CACNA1C: variants seen among roughly 807,000 people sequenced by gnomAD.
CACNA1C encodes calcium voltage-gated channel subunit alpha1 C.
CACNA1C carries 30 observed loss-of-function variants against 229.0 expected under a neutral mutation model. The ratio of observed to expected loss-of-function variants is 0.13; its 90% CI spans 0.10 to 0.18. The LOEUF is 0.18. Ranked by LOEUF, CACNA1C falls within the 10% of genes least tolerant of loss-of-function variation. The probability of loss-of-function intolerance (pLI) is 1.00; values close to 1 mark genes in which losing one functional copy is unlikely to be tolerated. For synonymous variants in CACNA1C, 1,114 were observed against 1,132.5 expected, an observed-to-expected ratio of 0.98 and a Z score of 0.33; for missense variants, 1,658 against 2,845.0, an observed-to-expected ratio of 0.58 and a Z score of 9.49.
chr12:2,358,531 G>A (rs768567631), intron 3 of CACNA1C, among the ~76,000 whole-genome samples: 17 of 152,294 alleles, frequency 1.1e-4, no homozygotes, highest in East Asian at 5.8e-4. Context: ...GTCAGTGGCC[G>A]TAGTGTTAGG....
At chr12:2,620,255 C>T (rs1250884585) in intron 29 of CACNA1C, among the ~76,000 whole-genome samples, 1 of 22,920 alleles carries the variant, frequency 4.4e-5, no homozygotes, top group Admixed American at 1.0e-3. Context: ...TAGTATGCAC[C>T]CTAATACTGC....
At chr12:2,254,072 G>A (rs1001964138) in intron 3 of CACNA1C, among the ~76,000 whole-genome samples, 3 of 152,140 alleles carry the variant, frequency 2.0e-5, no homozygotes, top group Admixed American at 1.3e-4. Context: ...AACCTCACCT[G>A]GGCACTTCTT....
intron 2 of CACNA1C, among the ~76,000 whole-genome samples, chr12:2,117,507 G>A (rs2084457755): frequency 6.6e-6 from 1 of 152,226 alleles, no homozygotes; most frequent in African/African-American, 2.4e-5. Context: ...GCACCCCTGA[G>A]AGAAGGGCAG....
At chr12:2,417,081 A>G (rs535603127) in intron 3 of CACNA1C, among the ~76,000 whole-genome samples, 42 of 152,316 alleles carry the variant, frequency 2.8e-4, no homozygotes, top group Admixed American at 9.2e-4. Context: ...AGTCACTTCT[A>G]TACAATGTGG....
intron 1 of CACNA1C, among the ~76,000 whole-genome samples, chr12:2,064,978 A>G (rs989610978): frequency 3.3e-5 from 5 of 152,214 alleles, no homozygotes; most frequent in Non-Finnish European, 5.9e-5. Context: ...AAGACTTTGC[A>G]CTTTGAAGGC....
Position 2,089,119 on chromosome 12 carries a change from T to C in CACNA1C, c.50-26105T>C, listed in dbSNP as rs901393248. On this transcript the variant is annotated intron_variant, in intron 1 of 46. Coordinates refer to ENST00000399655, the MANE Select transcript of CACNA1C (RefSeq NM_000719.7). ...TGATTCTGTGCTCTTGAGGGATTCA[T>C]GGTTCGTGCACACGTGGAAGGGTGG... 2.0e-5 allele frequency among the ~76,000 whole-genome samples: 3 copies of C among 152,268 alleles called. No homozygotes were observed. In the South Asian group the frequency reaches 6.2e-4, roughly 32 times the overall value.
rs542594883 is a variant in CACNA1C, at chr12:2,677,283, G to C, written c.4956+62G>C. 74 of 1,575,370 alleles carry C rather than the reference G, an allele frequency of 4.7e-5. No individual in the cohort carries two copies. The Admixed American group carries it at 9.7e-4, about 21-fold the overall frequency. On this transcript the variant is annotated intron_variant, in intron 40 of 46. Transcript: ENST00000399655. The surrounding 1 kb of genome is among the most constrained non-coding windows in gnomAD (Gnocchi z 7.4). ...TCCTGGTCATTGCCTCTGACCTCCA[G>C]TCAGGGTCCCGGTCCCTCCCCAGCA...
chr12:2,439,433 A>G (rs1184257007), intron 3 of CACNA1C, among the ~76,000 whole-genome samples: 5 of 152,194 alleles, frequency 3.3e-5, no homozygotes, highest in Non-Finnish European at 7.4e-5. Flanking sequence ...TCATCCCCAG[A>G]CCTGCCTGTG....
chr12:2,381,207 G>A (rs560511603), intron 3 of CACNA1C, among the ~76,000 whole-genome samples: 1 of 152,310 alleles, frequency 6.6e-6, no homozygotes, highest in East Asian at 1.9e-4. Flanking sequence ...AGTCCTTGAA[G>A]TTCCTGAAAT....
intron 1 of CACNA1C, among the ~76,000 whole-genome samples, chr12:2,019,195 C>G (rs901942712): frequency 2.0e-5 from 3 of 152,132 alleles, no homozygotes; most frequent in Non-Finnish European, 4.4e-5. Context: ...GGTACAGTGG[C>G]TCACACCTGT....
At chr12:2,078,321 T>C (rs564976081) in intron 1 of CACNA1C, among the ~76,000 whole-genome samples, 1 of 152,364 alleles carries the variant, frequency 6.6e-6, no homozygotes, top group African/African-American at 2.4e-5. Flanking sequence ...TTTTTGTTTC[T>C]TAAGCCGGCT....
chr12:2,328,708 T>G (rs2096429842), intron 3 of CACNA1C, among the ~76,000 whole-genome samples: 1 of 152,240 alleles, frequency 6.6e-6, no homozygotes, highest in East Asian at 1.9e-4. Context: ...GGCCATTTAT[T>G]CGCCATCTTG....
chr12:2,194,909 T>C (rs1040911163), intron 3 of CACNA1C, among the ~76,000 whole-genome samples: 1 of 152,170 alleles, frequency 6.6e-6, no homozygotes, highest in African/African-American at 2.4e-5. Flanking sequence ...TGATCTAAGG[T>C]CTTCTGAGGA....
chr12:2,371,599 A>C (rs2097864025), intron 3 of CACNA1C, among the ~76,000 whole-genome samples: 1 of 152,024 alleles, frequency 6.6e-6, no homozygotes, highest in Non-Finnish European at 1.5e-5. Context: ...CAGGAATCAC[A>C]CTTTGAGAAC....
intron 1 of CACNA1C, among the ~76,000 whole-genome samples, chr12:2,025,076 A>G (rs1246239675): frequency 6.6e-6 from 1 of 152,190 alleles, no homozygotes; most frequent in Admixed American, 6.5e-5. Flanking sequence ...TGGGGAAGGC[A>G]GGCTTAGCCT....
chr12:2,436,120 G>T (rs111915616), intron 3 of CACNA1C, among the ~76,000 whole-genome samples: 4,417 of 152,280 alleles, frequency 0.029, 77 homozygotes, highest in Non-Finnish European at 0.036. Context: ...ACAAGATATG[G>T]AGGTGGGGAA....
At chr12:2,556,889 G>T in intron 10 of CACNA1C, 62 bp from the exon 11 acceptor site, 1 of 1,413,712 alleles carries the variant, frequency 7.1e-7, no homozygotes, top group South Asian at 1.1e-5. Context: ...TGGGACTGTT[G>T]ACCGTCTTTT....
rs1299535134 is a variant in CACNA1C, at chr12:2,479,629, C to T, written c.758-6475C>T. Among the ~76,000 whole-genome samples, 1 of 152,238 alleles carries T rather than the reference C, an allele frequency of 6.6e-6. No individual in the cohort carries two copies. The highest frequency in any genetic ancestry group is 1.5e-5 in the Non-Finnish European group (1 of 68,048). On this transcript the variant is annotated intron_variant, in intron 5 of 46. Coordinates refer to ENST00000399655, the MANE Select transcript of CACNA1C (RefSeq NM_000719.7). This position sits in a 1 kb window ranked among gnomAD's most constrained non-coding sequence, Gnocchi z 4.3. Reference sequence around the variant, plus strand: ...GGCTTTCTCTTCCATTCTGCAAGGACAGCCAGTTCAAGTTAAGGAGCAGCT... The same window carrying T: ...GGCTTTCTCTTCCATTCTGCAAGGATAGCCAGTTCAAGTTAAGGAGCAGCT...
rs375542714 is a variant in CACNA1C at position 2,683,894 on chromosome 12, C to T, written c.5573+1216C>T. ...CCCCGCCAGGGAACCCTGGAGCTGC[C>T]GATGCAGACAGGGAGGAGCCCCACG... On this transcript the variant is annotated intron_variant, in intron 43 of 46. Transcript: ENST00000399655. Among the ~76,000 whole-genome samples the T allele has an allele frequency of 4.9e-4, 75 of 152,332 alleles. 1 individual carries two copies. The East Asian group carries it at 6.2e-3, about 13-fold the overall frequency.
Sources: allele counts gnomAD v4.1 joint callset (sites outside exome capture counted in the v4.1 genomes callset), GRCh38; gene constraint gnomAD v4.1.1; non-coding constraint Gnocchi (gnomAD v3.1); transcripts MANE v1.5; gene names NCBI Gene and HGNC (gene_info 2026-07-23, HGNC 2026-07-21).